NLGN1: variants seen among roughly 807,000 people sequenced by gnomAD.
NLGN1 encodes neuroligin 1.
A neutral mutation model predicts 65.5 loss-of-function variants in NLGN1; 12 were observed. That is an observed-to-expected ratio of 0.18 (90% confidence interval 0.12 to 0.30). The LOEUF (loss-of-function observed/expected upper bound fraction) is 0.30, where lower values mean the gene tolerates loss of function less well. Ranked by LOEUF, NLGN1 falls within the 10% of genes least tolerant of loss-of-function variation. The pLI, the probability that NLGN1 is intolerant of heterozygous loss-of-function variation, is 1.00. For missense variants in NLGN1, 750 were observed against 1,007.1 expected, an observed-to-expected ratio of 0.74 and a Z score of 3.46; for synonymous variants, 350 against 359.5, an observed-to-expected ratio of 0.97 and a Z score of 0.30.
intron 4 of NLGN1, among the ~76,000 whole-genome samples, chr3:174,172,723 T>G (rs189522797): frequency 2.0e-5 from 3 of 152,290 alleles, no homozygotes; most frequent in Admixed American, 2.0e-4. Flanking sequence ...ACAATAGCTC[T>G]GCAGTATAAT....
intron 4 of NLGN1, among the ~76,000 whole-genome samples, chr3:174,008,859 A>C (rs917555737): frequency 6.6e-6 from 1 of 152,068 alleles, no homozygotes; most frequent in Non-Finnish European, 1.5e-5. Flanking sequence ...AAACCCTTTA[A>C]TTTTTTTATT....
At chr3:174,289,562 G>A (rs1490054271), downstream of NLGN1, among the ~76,000 whole-genome samples, 3 of 151,036 alleles carry the variant, frequency 2.0e-5, no homozygotes, top group Admixed American at 2.0e-4. Context: ...TTCTATTTGG[G>A]AATTTCTGGG....
intron 3 of NLGN1, among the ~76,000 whole-genome samples, chr3:173,759,422 G>A (rs1301344828): frequency 3.3e-5 from 5 of 151,808 alleles, no homozygotes; most frequent in Non-Finnish European, 5.9e-5. Flanking sequence ...ATCAATTAAC[G>A]TCTTTGTACA....
chr3:173,736,484 A>G (rs1215650611), intron 3 of NLGN1, among the ~76,000 whole-genome samples: 1 of 152,058 alleles, frequency 6.6e-6, no homozygotes, highest in African/African-American at 2.4e-5. Context: ...GAGGGGAAAT[A>G]TAAACATAGA....
intron 4 of NLGN1, among the ~76,000 whole-genome samples, chr3:173,889,835 A>G (rs2150969079): frequency 6.6e-6 from 1 of 152,268 alleles, no homozygotes; most frequent in East Asian, 1.9e-4. Flanking sequence ...TTTATACTTT[A>G]AGAAACACCA....
chr3:173,951,575 G>GCCT (rs1235983588), intron 4 of NLGN1, among the ~76,000 whole-genome samples: 4 of 151,486 alleles, frequency 2.6e-5, no homozygotes, highest in Admixed American at 6.6e-5. Flanking sequence ...TGATTCTCCT[G>GCCT]CCTCAGCCTC....
chr3:173,673,385 T>C (rs938738212), intron 3 of NLGN1, among the ~76,000 whole-genome samples: 1 of 152,222 alleles, frequency 6.6e-6, no homozygotes, highest in Non-Finnish European at 1.5e-5. Flanking sequence ...AGACTACTTG[T>C]GCATTTATTC....
chr3:173,650,582 TA>T (rs1759009990), intron 3 of NLGN1, among the ~76,000 whole-genome samples: 2 of 152,194 alleles, frequency 1.3e-5, no homozygotes, highest in South Asian at 4.1e-4. Context: ...ATCTTTGTGA[TA>T]ATGAGTGGTG....
intron 4 of NLGN1, among the ~76,000 whole-genome samples, chr3:173,812,682 G>A (rs1200505358): frequency 6.6e-6 from 1 of 150,946 alleles, no homozygotes; most frequent in Non-Finnish European, 1.5e-5. Context: ...ACTCCAGCCT[G>A]GGTGACAGAG....
At chr3:173,655,433 G>A (rs139831939) in intron 3 of NLGN1, among the ~76,000 whole-genome samples, 72 of 152,016 alleles carry the variant, frequency 4.7e-4, no homozygotes, top group African/African-American at 1.4e-3. Context: ...GAGAGTGTAC[G>A]TAAAACTGGT....
chr3:174,167,460 T>C (rs1727707439), intron 4 of NLGN1, among the ~76,000 whole-genome samples: 1 of 152,122 alleles, frequency 6.6e-6, no homozygotes, highest in South Asian at 2.1e-4. Flanking sequence ...TGGTGGGATA[T>C]GAAATTCTTG....
chr3:173,443,988 C>T (rs1312234243), intron 2 of NLGN1, among the ~76,000 whole-genome samples: 2 of 152,088 alleles, frequency 1.3e-5, no homozygotes, highest in Non-Finnish European at 1.5e-5. Context: ...TATTAATTTG[C>T]TCGTCATTTT....
intron 3 of NLGN1, among the ~76,000 whole-genome samples, chr3:173,739,903 A>T (rs1010060216): frequency 3.3e-5 from 5 of 152,088 alleles, no homozygotes; most frequent in Non-Finnish European, 5.9e-5. Flanking sequence ...TTCTGAGTTG[A>T]TGGACTGGAA....
chr3:173,420,331 G>T (rs1054476920), intron 1 of NLGN1, among the ~76,000 whole-genome samples: 9 of 151,512 alleles, frequency 5.9e-5, no homozygotes, highest in Admixed American at 3.3e-4. Flanking sequence ...GCGGTGTTTG[G>T]TTTTTTTGTC....
intron 4 of NLGN1, among the ~76,000 whole-genome samples, chr3:173,850,465 A>G (rs973526095): frequency 1.8e-4 from 27 of 152,090 alleles, no homozygotes; most frequent in African/African-American, 6.3e-4. Context: ...AATTAGAAAC[A>G]TGTTTACATT....
intron 3 of NLGN1, among the ~76,000 whole-genome samples, chr3:173,802,279 T>C (rs1463603027): frequency 6.6e-6 from 1 of 152,190 alleles, no homozygotes; most frequent in Non-Finnish European, 1.5e-5. Context: ...CATTTAACAT[T>C]TTTAAATAGC....
At chr3:173,842,151 A>T (rs868612234) in intron 4 of NLGN1, among the ~76,000 whole-genome samples, 3 of 152,174 alleles carry the variant, frequency 2.0e-5, no homozygotes, top group Admixed American at 6.5e-5. Context: ...CCCATTTTTA[A>T]AACTATCAGA....
intron 2 of NLGN1, among the ~76,000 whole-genome samples, chr3:173,467,965 C>T (rs1246337355): frequency 6.6e-6 from 1 of 152,012 alleles, no homozygotes; most frequent in African/African-American, 2.4e-5. Flanking sequence ...CAAAGATGCA[C>T]CTGTGATTTA....
At chr3:174,274,047 T>C (rs554509785) in intron 4 of NLGN1, among the ~76,000 whole-genome samples, 12 of 151,748 alleles carry the variant, frequency 7.9e-5, no homozygotes, top group African/African-American at 4.8e-5. Context: ...ATTGACCCAT[T>C]ATGTTGAATT....
Sources: gnomAD v4.1 joint callset for allele counts (sites outside exome capture counted in the v4.1 genomes callset) on GRCh38, gnomAD v4.1.1 for gene constraint, MANE v1.5 for transcripts, NCBI Gene and HGNC (gene_info 2026-07-23, HGNC 2026-07-21) for gene names.